Variants in ABCA8 observed in about 807,000 individuals in gnomAD.
ABCA8 encodes the protein ATP binding cassette subfamily A member 8.
ABCA8 carries 177 observed loss-of-function variants against 192.3 expected under a neutral mutation model. That is an observed-to-expected ratio of 0.92 (90% CI 0.81 to 1.04). The LOEUF (loss-of-function observed/expected upper bound fraction) is 1.04, where lower values mean the gene tolerates loss of function less well. ABCA8 is among the 50% of genes least tolerant of loss of function. The pLI is 0.00. For synonymous variants in ABCA8, 642 were observed against 690.2 expected, an observed-to-expected ratio of 0.93 and a Z score of 1.09; for missense variants, 1,915 against 1,904.8, an observed-to-expected ratio of 1.01 and a Z score of -0.10.
intron 11 of ABCA8, 83 bp from the exon 12 acceptor site, chr17:68,922,383 T>C: frequency 1.0e-6 from 1 of 975,726 alleles, no homozygotes; most frequent in Non-Finnish European, 1.5e-6. Flanking sequence ...TGGATAAATC[T>C]TAACTTCAGG....
At chr17:68,873,785 A>G (rs1461284762) in intron 37 of ABCA8, among the ~76,000 whole-genome samples, 1 of 152,150 alleles carries the variant, frequency 6.6e-6, no homozygotes, top group South Asian at 2.1e-4. Context: ...TGTTTTCCCA[A>G]CACAATTGGT....
chr17:68,895,396 G>T (rs772706587), intron 21 of ABCA8, among the ~76,000 whole-genome samples: 3 of 152,074 alleles, frequency 2.0e-5, no homozygotes, highest in Admixed American at 1.3e-4. Context: ...GATACTGGAA[G>T]ACAACATGTA....
intron 37 of ABCA8, among the ~76,000 whole-genome samples, 185 bp downstream of exon 37, chr17:68,875,075 A>G (rs774370645): frequency 1.1e-4 from 17 of 152,212 alleles, no homozygotes; most frequent in Non-Finnish European, 1.8e-4. Flanking sequence ...CCTGGCGCAT[A>G]GTGGAACCAT....
At chr17:68,898,114 A>G (rs2066811230) in intron 21 of ABCA8, among the ~76,000 whole-genome samples, 1 of 152,172 alleles carries the variant, frequency 6.6e-6, no homozygotes, top group Non-Finnish European at 1.5e-5. Context: ...AGGAAACACC[A>G]ATAAGAACCC....
intron 2 of ABCA8, among the ~76,000 whole-genome samples, chr17:68,946,577 G>A (rs1323808307): frequency 5.3e-5 from 8 of 152,094 alleles, no homozygotes; most frequent in Admixed American, 2.0e-4. Flanking sequence ...GCCAAAAGAC[G>A]GATGGAATTC....
chr17:68,887,894 A>ATATATATATAT (rs1375943997), intron 24 of ABCA8, among the ~76,000 whole-genome samples: 1 of 43,826 alleles, frequency 2.3e-5, no homozygotes, highest in African/African-American at 1.6e-4. Flanking sequence ...ATATATATAT[A>ATATATATATAT]TATATATATA....
At chr17:68,912,998 G>T (rs2067262080) in intron 17 of ABCA8, among the ~76,000 whole-genome samples, 1 of 152,058 alleles carries the variant, frequency 6.6e-6, no homozygotes, top group Non-Finnish European at 1.5e-5. Flanking sequence ...CGATATGCTA[G>T]CCACAAAACA....
chr17:68,870,216 A>G (rs2066012207), intron 37 of ABCA8, among the ~76,000 whole-genome samples: 1 of 152,206 alleles, frequency 6.6e-6, no homozygotes, highest in Non-Finnish European at 1.5e-5. Context: ...CCTAGGTAGA[A>G]CACCCCTTTT....
Position 68,902,704 on chromosome 17 carries a change from C to A in ABCA8, c.2764+9G>T. Reference sequence around the variant, plus strand: ...AATGTATTTGGAAATCAAGTATCCACCATTTTACCTGTTTTATTGATGATC... The same window carrying A: ...AATGTATTTGGAAATCAAGTATCCAACATTTTACCTGTTTTATTGATGATC... On this transcript the variant is annotated intron_variant, in intron 21 of 39. Coordinates refer to ENST00000586539, the MANE Select transcript of ABCA8 (RefSeq NM_001288985.2). The A allele has an allele frequency of 6.2e-7, 1 of 1,608,148 alleles. No homozygotes were observed. Among genetic ancestry groups the A allele is most frequent in the Non-Finnish European group, 8.5e-7 (1 of 1,175,188 alleles).
chr17:68,918,103 G>T lies in ABCA8; in HGVS notation c.1991C>A (p.Thr664Lys). The change falls in exon 16 of 40, where the codon ACA (threonine) becomes AAA (lysine). Residue 664 changes from threonine (T) to lysine (K), a missense_variant. By Grantham distance (78) the Thr-to-Lys change is moderately conservative. Transcript: ENST00000586539. Reference protein sequence around the residue: ...QVWNLLKERKTDRVILFSTQF... With the variant: ...QVWNLLKERKKDRVILFSTQF... ...GGTACTGAAGAGGATCACGCGGTCT[G>T]TTTTGCGTTCTTTCAGAAGGTTCCA... The T allele has an allele frequency of 6.2e-7, 1 of 1,614,196 alleles. No homozygotes were observed. Among genetic ancestry groups the T allele is most frequent in the South Asian group, 1.1e-5 (1 of 91,086 alleles).
intron 23 of ABCA8, among the ~76,000 whole-genome samples, chr17:68,893,789 G>C: frequency 7.0e-6 from 1 of 142,538 alleles, no homozygotes; most frequent in Non-Finnish European, 1.5e-5. Context: ...ACATTGTGCA[G>C]GTTAGTTACA....
At chr17:68,876,879 A>G (rs1236346115) in intron 33 of ABCA8, among the ~76,000 whole-genome samples, 176 bp from the exon 34 acceptor site, 1 of 152,222 alleles carries the variant, frequency 6.6e-6, no homozygotes, top group Non-Finnish European at 1.5e-5. Context: ...ACAAAAGATA[A>G]TATTGCTTTT....
chr17:68,894,764 A>G, intron 22 of ABCA8, 116 bp downstream of exon 22: 1 of 1,171,938 alleles, frequency 8.5e-7, no homozygotes, highest in Non-Finnish European at 1.2e-6. Flanking sequence ...TTCACTAAGT[A>G]ATAAATGAAA....
chr17:68,893,804 T>C (rs2066677284), intron 23 of ABCA8, among the ~76,000 whole-genome samples: 1 of 149,026 alleles, frequency 6.7e-6, no homozygotes, highest in Admixed American at 6.8e-5. Flanking sequence ...GTTACATATG[T>C]ATACATGTGC....
At chr17:68,901,808 C>CA (rs35596717) in intron 21 of ABCA8, among the ~76,000 whole-genome samples, 5,320 of 104,650 alleles carry the variant, frequency 0.051, 312 homozygotes, top group African/African-American at 0.17. Context: ...GATTCCATCT[C>CA]AAAAAAAAAA....
rs747253015 is a variant in ABCA8 at position 68,868,406 on chromosome 17, C to T, written c.4712-50G>A. The T allele has an allele frequency of 6.7e-6, 10 of 1,484,644 alleles. No homozygotes were observed. In the Admixed American group the frequency reaches 1.4e-4, roughly 21 times the overall value. 92.0% of individuals were successfully genotyped at this position (1,484,644 alleles called of 1,614,324 possible). ...GTTCATATATTTCATATCTAGAGGTCTCATAAATCAGCATATAGTACAAAT... is the reference window on the plus strand; with the variant it reads ...GTTCATATATTTCATATCTAGAGGTTTCATAAATCAGCATATAGTACAAAT... On this transcript the variant is annotated intron_variant, in intron 38 of 39. Coordinates refer to ENST00000586539, the MANE Select transcript of ABCA8 (RefSeq NM_001288985.2).
At chr17:68,908,263 C>G (rs1327582415) in intron 17 of ABCA8, among the ~76,000 whole-genome samples, 1 of 152,126 alleles carries the variant, frequency 6.6e-6, no homozygotes, top group Non-Finnish European at 1.5e-5. Context: ...GTTGAAGGTT[C>G]AGTTTTAAGC....
intron 35 of ABCA8, chr17:68,876,167 T>G (rs2066199361): frequency 4.0e-6 from 2 of 501,180 alleles, no homozygotes; most frequent in Admixed American, 6.6e-5. Context: ...TATGGAACAC[T>G]ACGTGATTGT....
chr17:68,918,304 CTATT>C (rs2067436103), intron 15 of ABCA8, 119 bp from the exon 16 acceptor site: 2 of 1,473,560 alleles, frequency 1.4e-6, no homozygotes. Context: ...TTTAGATACT[CTATT>C]TAATGTTCTA....
Sources: gnomAD v4.1 joint callset for allele counts (sites outside exome capture counted in the v4.1 genomes callset) on GRCh38, gnomAD v4.1.1 for gene constraint, MANE v1.5 for transcripts, NCBI Gene and HGNC (gene_info 2026-07-23, HGNC 2026-07-21) for gene names.